PBX3: variants seen among roughly 807,000 people sequenced by gnomAD.
PBX3 encodes the protein pre-B-cell leukemia transcription factor 3.
PBX3 carries 14 observed loss-of-function variants against 48.5 expected under a neutral mutation model. That is an observed-to-expected ratio of 0.29 (90% CI 0.19 to 0.45). The LOEUF (loss-of-function observed/expected upper bound fraction) is 0.45, where lower values mean the gene tolerates loss of function less well. Ranked by LOEUF, PBX3 falls within the 20% of genes least tolerant of loss-of-function variation. PBX3 has a pLI of 1.00. For synonymous variants in PBX3, 210 were observed against 200.3 expected (o/e 1.05, Z -0.41); for missense variants, 386 against 546.7 (o/e 0.71, Z 2.93).
intron 2 of PBX3, among the ~76,000 whole-genome samples, chr9:125,830,537 T>C (rs1838929748): frequency 1.3e-5 from 2 of 152,032 alleles, no homozygotes; most frequent in Admixed American, 6.6e-5. Flanking sequence ...GAAATAAGAG[T>C]TTTGAACCCC....
intron 2 of PBX3, among the ~76,000 whole-genome samples, chr9:125,887,529 T>A (rs1030134667): frequency 6.6e-6 from 1 of 152,228 alleles, no homozygotes; most frequent in Non-Finnish European, 1.5e-5. Flanking sequence ...TTTAACTTTA[T>A]GTTGCGTATG....
chr9:125,808,055 A>T (rs1838178889), intron 2 of PBX3, among the ~76,000 whole-genome samples: 1 of 152,226 alleles, frequency 6.6e-6, no homozygotes, highest in South Asian at 2.1e-4. Context: ...AGATAGATAA[A>T]GTCCAGATAG....
chr9:125,829,534 C>T (rs73667091), intron 2 of PBX3, among the ~76,000 whole-genome samples: 4,142 of 152,112 alleles, frequency 0.027, 217 homozygotes, highest in African/African-American at 0.094. Flanking sequence ...TTTGTACATA[C>T]GTAAGTTTTG....
At chr9:125,825,797 A>G (rs1838791639) in intron 2 of PBX3, among the ~76,000 whole-genome samples, 1 of 152,140 alleles carries the variant, frequency 6.6e-6, no homozygotes, top group Non-Finnish European at 1.5e-5. Flanking sequence ...GCTATCCTGT[A>G]TTGCTAACAA....
At chr9:125,896,080 A>G (rs1183345197) in intron 2 of PBX3, among the ~76,000 whole-genome samples, 1 of 152,022 alleles carries the variant, frequency 6.6e-6, no homozygotes, top group Admixed American at 6.6e-5. Flanking sequence ...TTCTGTTACC[A>G]CTAAATATAT....
intron 2 of PBX3, among the ~76,000 whole-genome samples, chr9:125,811,331 T>C (rs1838283699): frequency 6.6e-6 from 1 of 152,210 alleles, no homozygotes; most frequent in African/African-American, 2.4e-5. Flanking sequence ...GGCTGTGATA[T>C]GGTTTGGCTC....
chr9:125,870,005 C>T (rs1414324240), intron 2 of PBX3, among the ~76,000 whole-genome samples: 5 of 151,070 alleles, frequency 3.3e-5, no homozygotes, highest in Non-Finnish European at 7.4e-5. Context: ...AGAGGCTTCA[C>T]AATCATGGCG....
chr9:125,925,557 G>T (rs1841556797), intron 3 of PBX3, among the ~76,000 whole-genome samples: 1 of 152,074 alleles, frequency 6.6e-6, no homozygotes, highest in Admixed American at 6.6e-5. Flanking sequence ...GGGCTCAAGT[G>T]ATCCTCCTAC....
chr9:125,843,707 G>A (rs577978922), intron 2 of PBX3: 3 of 422,610 alleles, frequency 7.1e-6, no homozygotes, highest in Non-Finnish European at 9.6e-6. Flanking sequence ...TCTCTGTTAT[G>A]CTTTTAGTAG....
At chr9:125,781,627 A>G (rs897277940) in intron 2 of PBX3, among the ~76,000 whole-genome samples, 3 of 151,594 alleles carry the variant, frequency 2.0e-5, no homozygotes, top group Non-Finnish European at 2.9e-5. Flanking sequence ...GCAGAACCTG[A>G]TCTTTTCAAA....
At chr9:125,865,101 C>T (rs1839949510) in intron 2 of PBX3, among the ~76,000 whole-genome samples, 1 of 152,172 alleles carries the variant, frequency 6.6e-6, no homozygotes, top group African/African-American at 2.4e-5. Flanking sequence ...TAACTTGTGG[C>T]CATGCCACAT....
intron 8 of PBX3, among the ~76,000 whole-genome samples, chr9:125,963,481 G>A (rs1247201255): frequency 6.6e-6 from 1 of 152,196 alleles, no homozygotes; most frequent in Non-Finnish European, 1.5e-5. Context: ...AGAATCCCAG[G>A]CAGACCAGCA....
intron 2 of PBX3, among the ~76,000 whole-genome samples, chr9:125,774,777 C>G (rs1205389520): frequency 3.3e-5 from 5 of 151,716 alleles, no homozygotes; most frequent in African/African-American, 1.2e-4. Flanking sequence ...AGTAGAACTG[C>G]TAGATCATGT....
Position 125,790,315 on chromosome 9 carries a change from C to T in PBX3, c.274+41692C>T, listed in dbSNP as rs1008127146. Among the ~76,000 whole-genome samples the T allele has an allele frequency of 3.3e-5, 5 of 151,198 alleles. No individual in the cohort carries two copies. The East Asian group carries it at 7.8e-4, about 23-fold the overall frequency. On this transcript the variant is annotated intron_variant, in intron 2 of 8. Coordinates refer to ENST00000373489, the MANE Select transcript of PBX3 (RefSeq NM_006195.6). Reference sequence around the variant, plus strand: ...TCACCCAGGCTGGAGTGTGGTAGCGCGATCTCAGCTCACTGCAACCTCTAC... The same window carrying T: ...TCACCCAGGCTGGAGTGTGGTAGCGTGATCTCAGCTCACTGCAACCTCTAC...
intron 5 of PBX3, among the ~76,000 whole-genome samples, chr9:125,956,202 A>C (rs1842303718): frequency 6.6e-6 from 1 of 152,260 alleles, no homozygotes; most frequent in Admixed American, 6.5e-5. Flanking sequence ...TAGGAAAGGA[A>C]ACACTAAAAT....
chr9:125,851,627 A>G (rs2132261255), intron 2 of PBX3, among the ~76,000 whole-genome samples: 1 of 152,246 alleles, frequency 6.6e-6, no homozygotes. Context: ...ATCAAATAAG[A>G]TTAAGATCAT....
At chr9:125,940,446 T>C (rs1437774046) in intron 5 of PBX3, among the ~76,000 whole-genome samples, 1 of 152,214 alleles carries the variant, frequency 6.6e-6, no homozygotes, top group Non-Finnish European at 1.5e-5. Flanking sequence ...TGCCAAATAC[T>C]GTGCTAGGGA....
At position 125,781,413 on chromosome 9, in the gene PBX3, G is replaced by C. The variant is rs7862933; in HGVS notation, c.274+32790G>C. Among the ~76,000 whole-genome samples the C allele has an allele frequency of 9.0e-3, 1,367 of 151,566 alleles. 28 individuals carry two copies. Among genetic ancestry groups the C allele is most frequent in the African/African-American group, 0.031 (1,279 of 41,304 alleles). ...CGCGCGCCTGCAATCGCAGGCACTCGGCCGGCTGAGGCAGGAGAATCAGGC... is the reference window on the plus strand; with the variant it reads ...CGCGCGCCTGCAATCGCAGGCACTCCGCCGGCTGAGGCAGGAGAATCAGGC... On this transcript the variant is annotated intron_variant, in intron 2 of 8. Coordinates refer to ENST00000373489, the MANE Select transcript of PBX3 (RefSeq NM_006195.6).
intron 2 of PBX3, among the ~76,000 whole-genome samples, chr9:125,788,791 C>T (rs921858814): frequency 6.6e-6 from 1 of 151,892 alleles, no homozygotes; most frequent in Non-Finnish European, 1.5e-5. Flanking sequence ...AGGAGAATGG[C>T]TTGAACCTGG....
Sources: allele counts gnomAD v4.1 joint callset (sites outside exome capture counted in the v4.1 genomes callset), GRCh38; gene constraint gnomAD v4.1.1; transcripts MANE v1.5; gene names NCBI Gene and HGNC (gene_info 2026-07-23, HGNC 2026-07-21).